Variants in PRKD1 observed in about 807,000 individuals in gnomAD.
PRKD1 encodes the protein serine/threonine-protein kinase D1.
A neutral mutation model predicts 95.9 loss-of-function variants in PRKD1; 63 were observed. That is an observed-to-expected ratio of 0.66 (90% CI 0.54 to 0.81). PRKD1 has a LOEUF of 0.81. Ranked by LOEUF, PRKD1 falls within the 30% of genes least tolerant of loss-of-function variation. The probability of loss-of-function intolerance (pLI) is 0.00; values close to 1 mark genes in which losing one functional copy is unlikely to be tolerated. For synonymous variants in PRKD1, 425 were observed against 423.1 expected (o/e 1.00, Z -0.05); for missense variants, 1,048 against 1,165.3 (o/e 0.90, Z 1.47).
intron 1 of PRKD1, among the ~76,000 whole-genome samples, chr14:29,905,897 G>A (rs1383913642): frequency 2.6e-5 from 4 of 152,134 alleles, no homozygotes; most frequent in South Asian, 2.1e-4. Context: ...TATAACTCTC[G>A]AGAAAGTCAA....
At chr14:29,697,854 A>G (rs1188670559) in intron 2 of PRKD1, among the ~76,000 whole-genome samples, 3 of 152,190 alleles carry the variant, frequency 2.0e-5, no homozygotes, top group Non-Finnish European at 4.4e-5. Context: ...GATATTATAT[A>G]AGAACCCTGT....
chr14:29,658,192 C>T (rs552481211), intron 4 of PRKD1, among the ~76,000 whole-genome samples: 17 of 152,166 alleles, frequency 1.1e-4, no homozygotes, highest in African/African-American at 3.9e-4. Flanking sequence ...TTTTCTGGGC[C>T]GTCGTCACAA....
intron 1 of PRKD1, among the ~76,000 whole-genome samples, chr14:29,797,554 C>T (rs918714601): frequency 1.3e-5 from 2 of 152,122 alleles, no homozygotes; most frequent in African/African-American, 2.4e-5. Context: ...CAAGGTTTTC[C>T]GGAACACCCT....
intron 1 of PRKD1, among the ~76,000 whole-genome samples, chr14:29,766,782 T>C (rs1250486118): frequency 1.3e-5 from 2 of 152,200 alleles, no homozygotes; most frequent in East Asian, 3.8e-4. Context: ...ATTCAGAATT[T>C]AAGATTATAG....
Position 29,650,045 on chromosome 14 carries a change from C to T in PRKD1, c.697-11141G>A, listed in dbSNP as rs189994302. On this transcript the variant is annotated intron_variant, in intron 4 of 17. Coordinates refer to ENST00000331968, the MANE Select transcript of PRKD1 (RefSeq NM_002742.3). ...CAGCTCCCTTTCCTGGTTGGGGTAG[C>T]GAGCCACTCTCGCCACTTCCAGTTT... 3.0e-4 allele frequency among the ~76,000 whole-genome samples: 45 copies of T among 152,154 alleles called. No homozygotes were observed. The East Asian group carries it at 5.6e-3, about 19-fold the overall frequency.
intron 1 of PRKD1, among the ~76,000 whole-genome samples, chr14:29,781,891 T>C (rs1889063301): frequency 6.6e-6 from 1 of 152,224 alleles, no homozygotes; most frequent in Non-Finnish European, 1.5e-5. Context: ...CTTTAAAAGA[T>C]GCTCTGAGAT....
At chr14:29,628,070 A>G (rs1388649736) in intron 11 of PRKD1, among the ~76,000 whole-genome samples, 2 of 152,176 alleles carry the variant, frequency 1.3e-5, no homozygotes, top group Admixed American at 6.5e-5. Context: ...TCTCTGGCTA[A>G]ACAAAGGCAA....
chr14:29,856,146 G>C (rs1892491924), intron 1 of PRKD1, among the ~76,000 whole-genome samples: 1 of 152,076 alleles, frequency 6.6e-6, no homozygotes, highest in Admixed American at 6.6e-5. Flanking sequence ...GGGTATAAAG[G>C]AAGTTGAATG....
chr14:29,740,518 A>C (rs1009612257), intron 1 of PRKD1, among the ~76,000 whole-genome samples: 11 of 152,194 alleles, frequency 7.2e-5, no homozygotes, highest in African/African-American at 2.7e-4. Flanking sequence ...TTACTGCTTG[A>C]TCTTTCCTCT....
At chr14:29,669,054 T>C (rs1882689703) in intron 2 of PRKD1, among the ~76,000 whole-genome samples, 1 of 152,228 alleles carries the variant, frequency 6.6e-6, no homozygotes, top group South Asian at 2.1e-4. Flanking sequence ...CTTTATTTTA[T>C]GTATCACTGA....
At chr14:29,908,995 G>A (rs1300149333) in intron 1 of PRKD1, among the ~76,000 whole-genome samples, 2 of 152,204 alleles carry the variant, frequency 1.3e-5, no homozygotes, top group Non-Finnish European at 2.9e-5. Flanking sequence ...GAGGTGTGGA[G>A]GGAGAAGCGC....
chr14:29,725,437 G>C, intron 2 of PRKD1, 99 bp downstream of exon 2: 5 of 1,407,174 alleles, frequency 3.6e-6, no homozygotes, highest in Non-Finnish European at 4.9e-6. Flanking sequence ...AGCTGAGTTT[G>C]AGATATGCTT....
At chr14:29,649,040 A>G in intron 4 of PRKD1, among the ~76,000 whole-genome samples, 1 of 152,128 alleles carries the variant, frequency 6.6e-6, no homozygotes, top group East Asian at 1.9e-4. Flanking sequence ...TTAAAACTTC[A>G]CAGGGGTATC....
chr14:29,772,835 A>T (rs556269651), intron 1 of PRKD1, among the ~76,000 whole-genome samples: 2 of 152,306 alleles, frequency 1.3e-5, no homozygotes, highest in East Asian at 3.9e-4. Flanking sequence ...CTAACCTCAC[A>T]ATTTCAGCTC....
intron 1 of PRKD1, among the ~76,000 whole-genome samples, chr14:29,925,940 G>A (rs1895279664): frequency 6.6e-6 from 1 of 152,160 alleles, no homozygotes; most frequent in South Asian, 2.1e-4. Context: ...CAATACTGAT[G>A]TGGAAAAGGA....
At chr14:29,906,532 C>CA (rs199826591) in intron 1 of PRKD1, among the ~76,000 whole-genome samples, 10,775 of 138,972 alleles carry the variant, frequency 0.078, 1,194 homozygotes, top group African/African-American at 0.25. Flanking sequence ...TCAATTTAAC[C>CA]AAAAAAAAAA....
chr14:29,678,858 A>G (rs142963637), intron 2 of PRKD1, among the ~76,000 whole-genome samples: 15 of 152,362 alleles, frequency 9.8e-5, no homozygotes, highest in African/African-American at 3.6e-4. Flanking sequence ...ATTTAACATG[A>G]CAATCCTAAT....
At chr14:29,692,895 A>T (rs1884314963) in intron 2 of PRKD1, among the ~76,000 whole-genome samples, 1 of 152,208 alleles carries the variant, frequency 6.6e-6, no homozygotes, top group Admixed American at 6.5e-5. Flanking sequence ...ATATTGATTC[A>T]TTTCATCGTA....
intron 2 of PRKD1, among the ~76,000 whole-genome samples, chr14:29,692,436 T>C (rs1158338810): frequency 6.6e-6 from 1 of 152,180 alleles, no homozygotes; most frequent in African/African-American, 2.4e-5. Flanking sequence ...ACTTAAGCAC[T>C]GGGTTTTAAT....
Sources: allele counts gnomAD v4.1 joint callset (sites outside exome capture counted in the v4.1 genomes callset), GRCh38; gene constraint gnomAD v4.1.1; transcripts MANE v1.5; gene names NCBI Gene and HGNC (gene_info 2026-07-23, HGNC 2026-07-21).